ATP6V1D: variants seen among roughly 807,000 people sequenced by gnomAD.
ATP6V1D encodes the protein V-type proton ATPase subunit D.
ATP6V1D carries 20 observed loss-of-function variants against 39.4 expected under a neutral mutation model. The ratio of observed to expected loss-of-function variants is 0.51; its 90% CI spans 0.36 to 0.74. The LOEUF (loss-of-function observed/expected upper bound fraction) is 0.74, where lower values mean the gene tolerates loss of function less well. ATP6V1D is among the 30% of genes least tolerant of loss of function. The probability of loss-of-function intolerance (pLI) is 0.00; values close to 1 mark genes in which losing one functional copy is unlikely to be tolerated. For missense variants in ATP6V1D, 228 were observed against 291.6 expected (o/e 0.78, Z 1.59); for synonymous variants, 100 against 100.5 (o/e 0.99, Z 0.03).
intron 4 of ATP6V1D, 25 bp downstream of exon 4, chr14:67,349,012 G>C (rs772228536): frequency 1.2e-5 from 19 of 1,604,650 alleles, no homozygotes; most frequent in African/African-American, 8.0e-5. Context: ...CTCCCCAAAG[G>C]GTTTCTAAAA....
chr14:67,352,868 G>A, intron 2 of ATP6V1D, 55 bp downstream of exon 2: 2 of 1,185,072 alleles, frequency 1.7e-6, no homozygotes, highest in East Asian at 2.5e-5. Context: ...AAAATGCCAA[G>A]GGCCATGCTG....
chr14:67,359,777 T>C lies in ATP6V1D; in HGVS notation c.-79A>G. On this transcript the variant is annotated 5_prime_UTR_variant, in exon 1 of 9. Coordinates refer to ENST00000216442, the MANE Select transcript of ATP6V1D (RefSeq NM_015994.4). ...AGCTCCAGAACTGGCCTCCACAGTG[T>C]CTTCCTCTACGGGAGTCAGCTGGTT... is the stretch of plus-strand genomic sequence containing the variant. 6.5e-7 allele frequency: 1 copy of C among 1,543,442 alleles called. No homozygotes were observed. The highest frequency in any genetic ancestry group is 2.2e-5 in the East Asian group (1 of 44,524).
At chr14:67,352,028 T>C (rs996949460) in intron 2 of ATP6V1D, among the ~76,000 whole-genome samples, 1 of 151,766 alleles carries the variant, frequency 6.6e-6, no homozygotes, top group Admixed American at 6.6e-5. Context: ...CTAACACCTG[T>C]AATCCCAGTG....
At chr14:67,356,328 CA>C (rs1433992155) in intron 1 of ATP6V1D, among the ~76,000 whole-genome samples, 1 of 150,226 alleles carries the variant, frequency 6.7e-6, no homozygotes, top group African/African-American at 2.5e-5. Context: ...GTCTGAGGCA[CA>C]AAAATCACTT....
intron 4 of ATP6V1D, 42 bp from the exon 5 acceptor site, chr14:67,347,495 G>A (rs750174634): frequency 7.3e-7 from 1 of 1,373,820 alleles, no homozygotes; most frequent in Non-Finnish European, 9.9e-7. Flanking sequence ...AAACCTTTAA[G>A]TTCTCTCTTT....
intron 4 of ATP6V1D, among the ~76,000 whole-genome samples, chr14:67,348,690 T>C (rs888021230): frequency 2.0e-5 from 3 of 150,324 alleles, no homozygotes; most frequent in African/African-American, 7.4e-5. Context: ...CCTGGCTAAT[T>C]TTTGTATTAT....
chr14:67,338,822 A>G, intron 8 of ATP6V1D, 60 bp from the exon 9 acceptor site: 2 of 1,472,684 alleles, frequency 1.4e-6, no homozygotes, highest in Non-Finnish European at 9.2e-7. Context: ...AGTAGATTTG[A>G]TTTCTTTGAG....
At chr14:67,357,816 G>T (rs1437003323) in intron 1 of ATP6V1D, among the ~76,000 whole-genome samples, 1 of 152,098 alleles carries the variant, frequency 6.6e-6, no homozygotes, top group Non-Finnish European at 1.5e-5. Context: ...CAGTGTAAAC[G>T]CCATACTACC....
At chr14:67,347,517 C>A in intron 4 of ATP6V1D, 64 bp from the exon 5 acceptor site, 4 of 681,122 alleles carry the variant, frequency 5.9e-6, no homozygotes, top group Non-Finnish European at 4.5e-6. Context: ...TTTTTTTTTT[C>A]TGAGACGGAG....
At chr14:67,349,154 C>T (rs543079551) in intron 3 of ATP6V1D, 50 bp from the exon 4 acceptor site, 1 of 1,537,994 alleles carries the variant, frequency 6.5e-7, no homozygotes, top group East Asian at 2.3e-5. Context: ...AGAAATAAAC[C>T]TACAGGGACC....
chr14:67,338,480 C>A lies in ATP6V1D; in HGVS notation c.*141G>T. On this transcript the variant is annotated 3_prime_UTR_variant, in exon 9 of 9. Transcript: ENST00000216442. ...AATTATGATTCTGCAAAAGTAATCC[C>A]ATAAATAGACATCTAGGTAAATTTT... is the stretch of plus-strand genomic sequence containing the variant. The A allele has an allele frequency of 1.1e-6, 1 of 898,522 alleles. No individual in the cohort carries two copies. Among genetic ancestry groups the A allele is most frequent in the Non-Finnish European group, 1.7e-6 (1 of 598,960 alleles). 55.7% of individuals were successfully genotyped at this position (898,522 alleles called of 1,614,324 possible). A position where few individuals can be genotyped will look rare whatever the true frequency, so the allele number is the denominator to read the frequency against.
At chr14:67,347,916 CTTT>C (rs3067318) in intron 4 of ATP6V1D, among the ~76,000 whole-genome samples, 5 of 146,232 alleles carry the variant, frequency 3.4e-5, no homozygotes, top group African/African-American at 1.0e-4. Context: ...AACTTGCCTT[CTTT>C]TTTTTTTTTT....
chr14:67,340,124 C>A, intron 8 of ATP6V1D: 1 of 235,672 alleles, frequency 4.2e-6, no homozygotes, highest in South Asian at 7.4e-5. Flanking sequence ...ACAGATCAAA[C>A]TCCTTGTTCT....
rs758770521 is a variant in ATP6V1D, at chr14:67,350,689, G to A, written c.161C>T (p.Thr54Ile). The change falls in exon 3 of 9, where the codon ACT becomes ATT. Residue 54 changes from threonine (T) to isoleucine (I), a missense_variant and splice_region_variant. This residue lies in a region of ATP6V1D where 104 missense variants were observed against 120.2 expected (regional missense o/e 0.87). Transcript: ENST00000216442. ...CATCACTTCGCCCATCAACATTTTA[G>A]TCTGGAAAAGCATAAACCAACAGCA... is the stretch of plus-strand genomic sequence containing the variant. ...FRQILKKIIETKMLMGEVMRE... is the reference protein window; with the variant it reads ...FRQILKKIIEIKMLMGEVMRE... 2 of 1,612,892 alleles carry A rather than the reference G, an allele frequency of 1.2e-6. No homozygotes were observed. Among genetic ancestry groups the A allele is most frequent in the African/African-American group, 1.3e-5 (1 of 74,874 alleles).
intron 6 of ATP6V1D, among the ~76,000 whole-genome samples, chr14:67,344,888 A>AAAAC (rs991072249): frequency 4.6e-5 from 7 of 151,902 alleles, no homozygotes; most frequent in Non-Finnish European, 8.8e-5. Flanking sequence ...CTCAAAGAAA[A>AAAAC]AAACAAACAA....
chr14:67,343,860 TAACAA>T (rs2085603014), intron 6 of ATP6V1D, among the ~76,000 whole-genome samples: 1 of 152,212 alleles, frequency 6.6e-6, no homozygotes, highest in Middle Eastern at 3.4e-3. Context: ...TGTCTCTTCA[TAACAA>T]AACAAAAACA....
chr14:67,350,694 G>A lies in ATP6V1D; in HGVS notation c.160-4C>T, dbSNP rs1162506996. ...CTTCGCCCATCAACATTTTAGTCTG[G>A]AAAAGCATAAACCAACAGCAGATTC... On this transcript the variant is annotated splice_polypyrimidine_tract_variant and splice_region_variant and intron_variant, in intron 2 of 8. Coordinates refer to ENST00000216442, the MANE Select transcript of ATP6V1D (RefSeq NM_015994.4). 2 of 1,612,480 alleles carry A rather than the reference G, an allele frequency of 1.2e-6. No homozygotes were observed. Among genetic ancestry groups the A allele is most frequent in the Non-Finnish European group, 8.5e-7 (1 of 1,179,268 alleles).
In ATP6V1D at chr14:67,349,118, G is replaced by C; in HGVS notation, c.240-14C>G. 1 of 1,612,680 alleles carries C rather than the reference G, an allele frequency of 6.2e-7. No individual in the cohort carries two copies. The highest frequency in any genetic ancestry group is 1.3e-5 in the African/African-American group (1 of 75,006). On this transcript the variant is annotated splice_polypyrimidine_tract_variant and intron_variant, in intron 3 of 8. Coordinates refer to ENST00000216442, the MANE Select transcript of ATP6V1D (RefSeq NM_015994.4). ...ATAACTGTAGTGCTGCAGAAAAAGA[G>C]AAAGACTTTATTTAGCAGACTCTTC...
intron 2 of ATP6V1D, among the ~76,000 whole-genome samples, chr14:67,351,954 A>G (rs764794841): frequency 1.5e-4 from 23 of 151,940 alleles, no homozygotes; most frequent in Non-Finnish European, 2.1e-4. Flanking sequence ...CAAATTGTCA[A>G]TAAGCATGAA....
Sources: gnomAD v4.1 joint callset for allele counts (sites outside exome capture counted in the v4.1 genomes callset) on GRCh38, gnomAD v4.1.1 for gene constraint, gnomAD v4.1.1 regional missense constraint, MANE v1.5 for transcripts, NCBI Gene and HGNC (gene_info 2026-07-23, HGNC 2026-07-21) for gene names.